Variants in COA1 observed in about 807,000 individuals in gnomAD.
COA1 encodes the protein cytochrome c oxidase assembly factor 1.
A neutral mutation model predicts 16.0 loss-of-function variants in COA1; 13 were observed. The ratio of observed to expected loss-of-function variants is 0.81; its 90% CI spans 0.53 to 1.29. COA1 has a LOEUF of 1.29. Among genes scored for constraint, COA1 ranks in the 50% most tolerant of loss-of-function variants. COA1 has a pLI of 0.00. For synonymous variants in COA1, 65 were observed against 65.7 expected (o/e 0.99, Z 0.05); for missense variants, 179 against 177.0 (o/e 1.01, Z -0.06).
chr7:43,715,410 A>G (rs1032513733), intron 1 of COA1, among the ~76,000 whole-genome samples: 15 of 151,860 alleles, frequency 9.9e-5, no homozygotes, highest in African/African-American at 3.6e-4. Flanking sequence ...CCCGGGAGGC[A>G]GACGTTGCAG....
At position 43,645,251 on chromosome 7, in the gene COA1, CT is replaced by C. The variant is rs1387395621; in HGVS notation, c.263del (p.Lys88SerfsTer2). 2 of 1,613,722 alleles carry C rather than the reference CT, an allele frequency of 1.2e-6. No homozygotes were observed. The highest frequency in any genetic ancestry group is 2.7e-5 in the African/African-American group (2 of 74,884). ...RENFVDIVDAKLKIPVSGSKS... is the reference protein window; with the variant it reads ...RENFVDIVDAXLKIPVSGSKS... ...GCGGTTCGCAGGGAAAGCACATTAC[CT>C]TGGCATCAACAATGTCCACGAAGTT... On this transcript the variant is annotated frameshift_variant and splice_region_variant, in exon 4 of 6. Transcript: ENST00000223336. LOFTEE classifies it high-confidence loss of function.
At chr7:43,674,746 G>T (rs969903383) in intron 1 of COA1, among the ~76,000 whole-genome samples, 8 of 152,180 alleles carry the variant, frequency 5.3e-5, no homozygotes, top group African/African-American at 9.7e-5. Context: ...GTCACAGAGG[G>T]AGTAAATATG....
At chr7:43,673,762 G>T (rs1210690866) in intron 1 of COA1, among the ~76,000 whole-genome samples, 1 of 152,184 alleles carries the variant, frequency 6.6e-6, no homozygotes, top group Non-Finnish European at 1.5e-5. Flanking sequence ...ACCAATGGTG[G>T]AATGGATAAA....
intron 1 of COA1, among the ~76,000 whole-genome samples, chr7:43,722,151 C>T (rs1469919028): frequency 6.7e-6 from 1 of 148,922 alleles, no homozygotes; most frequent in African/African-American, 2.5e-5. Flanking sequence ...AGTGCAGTGG[C>T]GCCACTGCAA....
chr7:43,720,167 T>C (rs972610517), intron 1 of COA1, among the ~76,000 whole-genome samples: 1 of 151,702 alleles, frequency 6.6e-6, no homozygotes, highest in Non-Finnish European at 1.5e-5. Context: ...TAATCCCAGC[T>C]ACTCGGGAGG....
At chr7:43,723,612 C>T (rs899819910) in intron 1 of COA1, among the ~76,000 whole-genome samples, 1 of 151,436 alleles carries the variant, frequency 6.6e-6, no homozygotes, top group African/African-American at 2.4e-5. Context: ...CCCAAAAAGA[C>T]TAAAAACACA....
rs945900317 is a variant in COA1, at chr7:43,639,502, A to G, written c.*80T>C. On this transcript the variant is annotated 3_prime_UTR_variant, in exon 6 of 6. Transcript: ENST00000223336. ...GGTTGCAGGAGTGTCTGTCACTGAGATGGGCCACCACCCCAGTGGCCATAT... is the reference window on the plus strand; with the variant it reads ...GGTTGCAGGAGTGTCTGTCACTGAGGTGGGCCACCACCCCAGTGGCCATAT... 1 of 1,129,356 alleles carries G rather than the reference A, an allele frequency of 8.9e-7. No individual in the cohort carries two copies. Among genetic ancestry groups the G allele is most frequent in the Non-Finnish European group, 1.3e-6 (1 of 748,144 alleles). The allele number at this position is 1,129,356 out of a possible 1,614,324, so 70.0% of individuals were successfully genotyped here. A position where few individuals can be genotyped will look rare whatever the true frequency, so the allele number is the denominator to read the frequency against.
At chr7:43,687,338 T>C (rs775827862) in intron 1 of COA1, among the ~76,000 whole-genome samples, 2 of 152,226 alleles carry the variant, frequency 1.3e-5, no homozygotes, top group Non-Finnish European at 2.9e-5. Context: ...AAAAACAAGC[T>C]TGCCTAAGAC....
intron 1 of COA1, among the ~76,000 whole-genome samples, chr7:43,684,931 T>A (rs1396737171): frequency 6.6e-6 from 1 of 151,978 alleles, no homozygotes; most frequent in Non-Finnish European, 1.5e-5. Flanking sequence ...AAGCCATCAG[T>A]GAAGAGAGTG....
chr7:43,613,920 G>A (rs1029859432), intron 6 of COA1, among the ~76,000 whole-genome samples: 1 of 152,126 alleles, frequency 6.6e-6, no homozygotes, highest in Non-Finnish European at 1.5e-5. Flanking sequence ...CTTTCCATAT[G>A]AGATTTAAAT....
chr7:43,651,042 A>G (rs2090665041), intron 1 of COA1, among the ~76,000 whole-genome samples: 1 of 152,146 alleles, frequency 6.6e-6, no homozygotes, highest in Non-Finnish European at 1.5e-5. Flanking sequence ...GCTGCCTTTC[A>G]AAGAGTGTTA....
intron 6 of COA1, chr7:43,624,648 G>A (rs759234453): frequency 1.2e-6 from 2 of 1,614,090 alleles, no homozygotes; most frequent in Non-Finnish European, 1.7e-6. Context: ...TTCTGTGCCT[G>A]AAATTAATTC....
At chr7:43,727,265 G>A (rs190402907) in intron 1 of COA1, among the ~76,000 whole-genome samples, 27 of 152,196 alleles carry the variant, frequency 1.8e-4, no homozygotes, top group African/African-American at 6.3e-4. Context: ...CACTACTGGT[G>A]CGAATGTTAA....
chr7:43,694,142 GTTCCT>G (rs1046125033), intron 1 of COA1, among the ~76,000 whole-genome samples: 7 of 147,014 alleles, frequency 4.8e-5, no homozygotes, highest in Non-Finnish European at 6.0e-5. Flanking sequence ...CTAGATCCCA[GTTCCT>G]TTCATCTCCT....
intron 6 of COA1, chr7:43,622,187 C>G (rs2083965415): frequency 6.6e-6 from 1 of 152,222 alleles, no homozygotes; most frequent in South Asian, 2.1e-4. Flanking sequence ...TTTACTGTTT[C>G]TTCCCCGGTA....
chr7:43,615,161 TTTTTG>T (rs1387355411), intron 6 of COA1, among the ~76,000 whole-genome samples: 2 of 152,104 alleles, frequency 1.3e-5, no homozygotes, highest in African/African-American at 2.4e-5. Flanking sequence ...GTTACTATAG[TTTTTG>T]TTTTGTTTTT....
chr7:43,690,968 A>G (rs2094250462), intron 1 of COA1, among the ~76,000 whole-genome samples: 1 of 147,350 alleles, frequency 6.8e-6, no homozygotes, highest in Non-Finnish European at 1.5e-5. Context: ...CTGTAATCTC[A>G]GCTCTTTGGG....
chr7:43,625,579 TTCTC>T (rs1156372574), intron 6 of COA1: 1 of 152,312 alleles, frequency 6.6e-6, no homozygotes, highest in Admixed American at 6.5e-5. Flanking sequence ...CATGCATCTG[TTCTC>T]TCTCACACTC....
At chr7:43,647,457 C>T (rs1443285898) in intron 3 of COA1, 78 bp downstream of exon 3, 1 of 989,978 alleles carries the variant, frequency 1.0e-6, no homozygotes, top group East Asian at 2.4e-5. Context: ...AACAAAGCAT[C>T]TCAAGTATTT....
Sources: allele counts gnomAD v4.1 joint callset (sites outside exome capture counted in the v4.1 genomes callset), GRCh38; gene constraint gnomAD v4.1.1; transcripts MANE v1.5; gene names NCBI Gene and HGNC (gene_info 2026-07-23, HGNC 2026-07-21).